Variants in AFF2 observed in about 807,000 individuals in gnomAD.
The protein encoded by AFF2 is ALF transcription elongation factor 2, also known as AF4/FMR2 family member 2.
In AFF2, 14 loss-of-function variants were observed where a neutral mutation model predicts 76.9. The observed-to-expected ratio is 0.18, with a 90% CI of 0.12 to 0.28. The LOEUF (loss-of-function observed/expected upper bound fraction) is 0.28, where lower values mean the gene tolerates loss of function less well. AFF2 is among the 10% of genes least tolerant of loss of function. The probability of loss-of-function intolerance (pLI) is 1.00; values close to 1 mark genes in which losing one functional copy is unlikely to be tolerated. For missense variants in AFF2, 868 were observed against 1,001.1 expected (o/e 0.87, Z 1.79); for synonymous variants, 398 against 366.7 (o/e 1.09, Z -0.98).
chrX:148,715,593 A>G (rs1325973871), intron 3 of AFF2, among the ~76,000 whole-genome samples: 4 of 111,558 alleles, frequency 3.6e-5, no homozygotes, highest in African/African-American at 1.3e-4. Context: ...GGGCCATTTG[A>G]ACACATATGT....
chrX:148,735,684 G>C (rs2055276907), intron 3 of AFF2, among the ~76,000 whole-genome samples: 2 of 110,589 alleles, frequency 1.8e-5, no homozygotes, highest in South Asian at 7.7e-4. Flanking sequence ...AAGTTTTTTA[G>C]AGGTGATTTG....
intron 9 of AFF2, among the ~76,000 whole-genome samples, chrX:148,929,805 G>T (rs1184365948): frequency 1.8e-5 from 2 of 111,719 alleles, no homozygotes; most frequent in Middle Eastern, 4.2e-3. Context: ...AAGTCCCCAG[G>T]GCTCAAAGCC....
At chrX:148,588,439 G>A (rs1557246164) in intron 1 of AFF2, among the ~76,000 whole-genome samples, 6 of 112,371 alleles carry the variant, frequency 5.3e-5, no homozygotes, top group African/African-American at 1.9e-4. Flanking sequence ...TGTTTATGGA[G>A]GGCAGAGACG....
chrX:148,793,013 T>C (rs1285459859), intron 3 of AFF2, among the ~76,000 whole-genome samples: 4 of 111,842 alleles, frequency 3.6e-5, no homozygotes, highest in African/African-American at 1.3e-4. Flanking sequence ...TGCACTTAAA[T>C]CATAACTTAC....
At chrX:148,526,630 C>A (rs782638949) in intron 1 of AFF2, among the ~76,000 whole-genome samples, 1 of 110,656 alleles carries the variant, frequency 9.0e-6, no homozygotes, top group East Asian at 2.8e-4. Context: ...ATAGGTATAC[C>A]TTTACTACCG....
chrX:148,526,038 T>TA (rs2052654453), intron 1 of AFF2, among the ~76,000 whole-genome samples: 1 of 111,473 alleles, frequency 9.0e-6, no homozygotes, highest in Admixed American at 9.6e-5. Flanking sequence ...AGAGCAATCA[T>TA]AGTATAATAG....
chrX:148,993,356 A>G lies in AFF2; in HGVS notation c.*2024A>G, dbSNP rs1432384237. On this transcript the variant is annotated 3_prime_UTR_variant, in exon 21 of 21. Coordinates refer to ENST00000370460, the MANE Select transcript of AFF2 (RefSeq NM_002025.4). ...ATGATGATAACATTAAAGACTCTGA[A>G]CACCCAAGGTTGGTGTCACATATAA... is the stretch of plus-strand genomic sequence containing the variant. 2 of 112,429 alleles carry G rather than the reference A, an allele frequency of 1.8e-5. No homozygotes were observed. Among genetic ancestry groups the G allele is most frequent in the Non-Finnish European group, 3.8e-5 (2 of 53,264 alleles). 9.3% of individuals were successfully genotyped at this position (112,429 alleles called of 1,213,427 possible). A position where few individuals can be genotyped will look rare whatever the true frequency, so the allele number is the denominator to read the frequency against.
Position 148,920,577 on chromosome X carries a change from A to C in AFF2, c.1397+16319A>C, listed in dbSNP as rs139288565. On this transcript the variant is annotated intron_variant, in intron 9 of 20. Transcript: ENST00000370460. ...TTGAGGGATGTCAATAGGTATTGTGAAGGACAAAAATGTGTATGTCTTTGG... is the reference window on the plus strand; with the variant it reads ...TTGAGGGATGTCAATAGGTATTGTGCAGGACAAAAATGTGTATGTCTTTGG... Among the ~76,000 whole-genome samples, 422 of 107,219 alleles carry C rather than the reference A, an allele frequency of 3.9e-3. 2 individuals carry two copies. Among genetic ancestry groups the C allele is most frequent in the African/African-American group, 0.013 (390 of 29,405 alleles). The allele number at this position is 107,219 out of a possible 115,157, so 93.1% of individuals were successfully genotyped here.
chrX:148,560,024 C>G (rs1460851494), intron 1 of AFF2, among the ~76,000 whole-genome samples: 1 of 111,980 alleles, frequency 8.9e-6, no homozygotes, highest in African/African-American at 3.2e-5. Context: ...TCTCTAATGA[C>G]CAGTGATGGT....
At chrX:148,794,234 C>T (rs1174930476) in intron 3 of AFF2, among the ~76,000 whole-genome samples, 3 of 111,956 alleles carry the variant, frequency 2.7e-5, no homozygotes, top group African/African-American at 9.8e-5. Flanking sequence ...AGATGGTATC[C>T]CATGTTGAAT....
At chrX:148,920,971 G>C (rs2071588476) in intron 9 of AFF2, among the ~76,000 whole-genome samples, 2 of 111,111 alleles carry the variant, frequency 1.8e-5, no homozygotes, top group Admixed American at 9.6e-5. Flanking sequence ...ACATGTTTCT[G>C]GCATATGGAG....
rs144255543 is a variant in AFF2, at chrX:148,883,787, T to A, written c.1263-2102T>A. On this transcript the variant is annotated intron_variant, in intron 7 of 20. Coordinates refer to ENST00000370460, the MANE Select transcript of AFF2 (RefSeq NM_002025.4). Reference sequence around the variant, plus strand: ...CTGTCTAAACCTCAGAGTCTCCATCTGAAAAATGCAGCTGTAACATCATCT... The same window carrying A: ...CTGTCTAAACCTCAGAGTCTCCATCAGAAAAATGCAGCTGTAACATCATCT... 4.4e-3 allele frequency among the ~76,000 whole-genome samples: 485 copies of A among 111,425 alleles called. 2 individuals are homozygous for A. Among genetic ancestry groups the A allele is most frequent in the African/African-American group, 0.015 (470 of 30,682 alleles).
At position 148,500,907 on chromosome X, in the gene AFF2, C is replaced by A; in HGVS notation, c.-191C>A. ...CCGCCCAGTGCCACTGCCGCCGCTT[C>A]CTCGCCGGAGCACAGGACCAGACAC... On this transcript the variant is annotated 5_prime_UTR_variant, in exon 1 of 21. Coordinates refer to ENST00000370460, the MANE Select transcript of AFF2 (RefSeq NM_002025.4). 2 of 460,119 alleles carry A rather than the reference C, an allele frequency of 4.3e-6. No homozygotes were observed. 37.9% of individuals were successfully genotyped at this position (460,119 alleles called of 1,213,427 possible). A position where few individuals can be genotyped will look rare whatever the true frequency, so the allele number is the denominator to read the frequency against.
At chrX:148,626,790 C>T (rs1197375508) in intron 1 of AFF2, among the ~76,000 whole-genome samples, 1 of 111,424 alleles carries the variant, frequency 9.0e-6, no homozygotes, top group African/African-American at 3.3e-5. Context: ...GGATTTAGGA[C>T]CCACCCTAAA....
chrX:148,689,351 G>A (rs1285890323), intron 3 of AFF2, among the ~76,000 whole-genome samples: 1 of 111,485 alleles, frequency 9.0e-6, no homozygotes, highest in South Asian at 3.8e-4. Flanking sequence ...TTTGGAAGGA[G>A]GCGACAAAAC....
intron 3 of AFF2, among the ~76,000 whole-genome samples, chrX:148,716,134 T>G (rs1862557067): frequency 8.9e-6 from 1 of 112,031 alleles, no homozygotes; most frequent in Non-Finnish European, 1.9e-5. Context: ...TAGTAAGTGT[T>G]GCTGTTTTCA....
At chrX:148,697,217 T>G (rs1557261378) in intron 3 of AFF2, among the ~76,000 whole-genome samples, 2 of 112,610 alleles carry the variant, frequency 1.8e-5, no homozygotes, top group Non-Finnish European at 3.8e-5. Flanking sequence ...AGTGAGTCTG[T>G]ACTCAAAGGC....
chrX:148,577,440 G>T (rs2053302656), intron 1 of AFF2, among the ~76,000 whole-genome samples: 1 of 112,276 alleles, frequency 8.9e-6, no homozygotes, highest in Admixed American at 9.4e-5. Context: ...AACCGTGTAT[G>T]CTGCTATTTG....
intron 3 of AFF2, among the ~76,000 whole-genome samples, chrX:148,759,050 A>T (rs1321928723): frequency 1.8e-5 from 2 of 112,204 alleles, no homozygotes; most frequent in African/African-American, 6.5e-5. Flanking sequence ...CTGGGATTAC[A>T]GGCATGAGCC....
Sources: gnomAD v4.1 joint callset for allele counts (sites outside exome capture counted in the v4.1 genomes callset) on GRCh38, gnomAD v4.1.1 for gene constraint, MANE v1.5 for transcripts, NCBI Gene and HGNC (gene_info 2026-07-23, HGNC 2026-07-21) for gene names.